The following FSTL4 variants were observed in gnomAD, a reference collection of about 807,000 sequenced individuals.
FSTL4 encodes the protein follistatin-related protein 4.
Under a neutral mutation model 78.2 loss-of-function variants are expected in FSTL4, and 28 were observed. The ratio of observed to expected loss-of-function variants is 0.36; its 90% CI spans 0.27 to 0.49. The LOEUF is 0.49. Ranked by LOEUF, FSTL4 falls within the 20% of genes least tolerant of loss-of-function variation. FSTL4 has a pLI of 0.98. For missense variants in FSTL4, 922 were observed against 1,084.9 expected, an observed-to-expected ratio of 0.85 and a Z score of 2.11; for synonymous variants, 422 against 440.5, an observed-to-expected ratio of 0.96 and a Z score of 0.53.
At chr5:133,618,486 T>G in the FSTL4 span, among the ~76,000 whole-genome samples, 2 of 151,978 alleles carry the variant, frequency 1.3e-5, no homozygotes, top group African/African-American at 4.8e-5. Context: ...GATGCAAGAG[T>G]GAAAGCAGGA....
chr5:133,742,368 C>G, the FSTL4 span, among the ~76,000 whole-genome samples: 1 of 152,114 alleles, frequency 6.6e-6, no homozygotes, highest in South Asian at 2.1e-4. Flanking sequence ...ACATTTACAA[C>G]CACAAGGAAG....
At chr5:133,422,772 T>C (rs746112360) in intron 3 of FSTL4, among the ~76,000 whole-genome samples, 1 of 152,222 alleles carries the variant, frequency 6.6e-6, no homozygotes, top group African/African-American at 2.4e-5. Flanking sequence ...TTATCGAGCA[T>C]GGTAATTTGT....
chr5:133,204,514 A>G (rs1304946582), intron 14 of FSTL4, among the ~76,000 whole-genome samples: 3 of 152,092 alleles, frequency 2.0e-5, no homozygotes, highest in Non-Finnish European at 4.4e-5. Context: ...AAATTCTGAG[A>G]AGTCAAGTTG....
At chr5:133,701,402 C>CAAAA in the FSTL4 span, among the ~76,000 whole-genome samples, 10 of 94,920 alleles carry the variant, frequency 1.1e-4, 1 homozygote, top group East Asian at 1.0e-3. Flanking sequence ...GAGTCAGTCT[C>CAAAA]AAAAAAAAAA....
intron 3 of FSTL4, chr5:133,457,719 T>C (rs1757520303): frequency 1.3e-5 from 2 of 152,262 alleles, no homozygotes; most frequent in Admixed American, 1.3e-4. Context: ...AAGTCTGCAT[T>C]GCCCCACTTG....
the FSTL4 span, among the ~76,000 whole-genome samples, chr5:133,676,051 C>T: frequency 6.6e-6 from 1 of 152,152 alleles, no homozygotes; most frequent in South Asian, 2.1e-4. Flanking sequence ...CTGGGAGACC[C>T]TCAGACGTAT....
the FSTL4 span, among the ~76,000 whole-genome samples, chr5:133,819,927 C>T: frequency 6.6e-6 from 1 of 152,142 alleles, no homozygotes; most frequent in East Asian, 1.9e-4. Flanking sequence ...CCCCATCGGG[C>T]ATTAGTTTCA....
chr5:133,806,031 C>T, the FSTL4 span, among the ~76,000 whole-genome samples: 4 of 152,314 alleles, frequency 2.6e-5, no homozygotes, highest in African/African-American at 7.2e-5. Flanking sequence ...CTGGAATCAC[C>T]CCAGCCAATA....
rs934870171 is a variant in FSTL4, at chr5:133,198,803, A to T, written c.*292T>A. ...TTGGAGAGCAGGATCCCTTGGTTCC[A>T]TGATGTCCCCAGGTCACTCGGTGTG... On this transcript the variant is annotated 3_prime_UTR_variant, in exon 16 of 16. Transcript: ENST00000265342. 2 of 269,020 alleles carry T rather than the reference A, an allele frequency of 7.4e-6. No individual in the cohort carries two copies. The highest frequency in any genetic ancestry group is 2.2e-5 in the African/African-American group (1 of 45,720). The allele number at this position is 269,020 out of a possible 1,614,324, so 16.7% of individuals were successfully genotyped here.
chr5:133,403,571 A>G (rs1404996759), intron 3 of FSTL4, among the ~76,000 whole-genome samples: 2 of 152,206 alleles, frequency 1.3e-5, no homozygotes, highest in Admixed American at 1.3e-4. Context: ...TTAAGAAGCC[A>G]GGCTAGGGGC....
At chr5:133,466,079 CAA>C (rs1231274230) in intron 3 of FSTL4, among the ~76,000 whole-genome samples, 1 of 152,204 alleles carries the variant, frequency 6.6e-6, no homozygotes, top group African/African-American at 2.4e-5. Flanking sequence ...CCTCTGCCAT[CAA>C]AGTGTTTACC....
chr5:133,393,956 C>T (rs776604090), intron 4 of FSTL4, among the ~76,000 whole-genome samples: 21 of 152,234 alleles, frequency 1.4e-4, no homozygotes, highest in Non-Finnish European at 2.9e-4. Context: ...AGGAGGTCTC[C>T]TGGGGAAGAA....
At chr5:133,776,781 G>A in the FSTL4 span, among the ~76,000 whole-genome samples, 1 of 152,192 alleles carries the variant, frequency 6.6e-6, no homozygotes, top group Non-Finnish European at 1.5e-5. Context: ...GGGAAACAGA[G>A]TTAGCACCAA....
At chr5:133,467,368 C>T (rs1757739070) in intron 3 of FSTL4, among the ~76,000 whole-genome samples, 3 of 151,966 alleles carry the variant, frequency 2.0e-5, no homozygotes, top group South Asian at 2.1e-4. Flanking sequence ...AGGTTTCCCA[C>T]GGCTGGGCCT....
the FSTL4 span, among the ~76,000 whole-genome samples, chr5:133,676,326 A>G: frequency 6.6e-6 from 1 of 152,360 alleles, no homozygotes; most frequent in South Asian, 2.1e-4. Flanking sequence ...GTTACTTTTC[A>G]ATCCCTTTCA....
At chr5:133,312,532 C>A (rs1211928656) in intron 6 of FSTL4, 122 bp downstream of exon 6, 1 of 802,400 alleles carries the variant, frequency 1.2e-6, no homozygotes, top group Non-Finnish European at 2.1e-6. Flanking sequence ...AATTCACCAG[C>A]TTTCCTCTGT....
At chr5:133,385,655 G>T (rs556529560) in intron 4 of FSTL4, among the ~76,000 whole-genome samples, 1 of 152,166 alleles carries the variant, frequency 6.6e-6, no homozygotes, top group Non-Finnish European at 1.5e-5. Flanking sequence ...TGCTAATTTT[G>T]AAAAAGGGAG....
chr5:133,322,281 A>C (rs866654366), intron 4 of FSTL4, among the ~76,000 whole-genome samples: 557 of 41,778 alleles, frequency 0.013, 6 homozygotes, highest in African/African-American at 0.032. Context: ...ACACACCCAC[A>C]CACACACACA....
intron 6 of FSTL4, among the ~76,000 whole-genome samples, chr5:133,251,340 G>A (rs564257002): frequency 8.5e-5 from 13 of 152,274 alleles, no homozygotes; most frequent in African/African-American, 2.9e-4. Flanking sequence ...CCTGGGCCAC[G>A]AGGCTTTGTG....
Sources: allele counts gnomAD v4.1 joint callset (sites outside exome capture counted in the v4.1 genomes callset), GRCh38; gene constraint gnomAD v4.1.1; transcripts MANE v1.5; gene names NCBI Gene and HGNC (gene_info 2026-07-23, HGNC 2026-07-21).